Variants in SUCLG2 observed in about 807,000 individuals in gnomAD.
SUCLG2 encodes the protein succinate--CoA ligase [GDP-forming] subunit beta, mitochondrial.
A neutral mutation model predicts 47.9 loss-of-function variants in SUCLG2; 42 were observed. The ratio of observed to expected loss-of-function variants is 0.88; its 90% confidence interval spans 0.69 to 1.14. The LOEUF is 1.14. SUCLG2 is among the 50% of genes most tolerant of loss of function. The pLI is 0.00. For missense variants in SUCLG2, 571 were observed against 525.9 expected (o/e 1.09, Z -0.84); for synonymous variants, 195 against 197.3 (o/e 0.99, Z 0.10).
chr3:67,521,390 T>C (rs1231718894), intron 4 of SUCLG2, among the ~76,000 whole-genome samples: 3 of 152,086 alleles, frequency 2.0e-5, no homozygotes, highest in Admixed American at 2.0e-4. Flanking sequence ...GATGGAAGAA[T>C]GTCATTCAAT....
chr3:67,569,500 G>T (rs542020882), intron 2 of SUCLG2, among the ~76,000 whole-genome samples: 3 of 152,356 alleles, frequency 2.0e-5, no homozygotes, highest in African/African-American at 7.2e-5. Context: ...TTTGGCCTCA[G>T]TGGGCCCAGA....
At chr3:67,606,027 C>T (rs1241614695) in intron 2 of SUCLG2, among the ~76,000 whole-genome samples, 3 of 151,796 alleles carry the variant, frequency 2.0e-5, no homozygotes, top group Non-Finnish European at 4.4e-5. Flanking sequence ...AGAGAGACCC[C>T]ATCTCTACAA....
intron 1 of SUCLG2, among the ~76,000 whole-genome samples, chr3:67,615,850 A>T (rs1700618926): frequency 6.6e-6 from 1 of 152,114 alleles, no homozygotes; most frequent in South Asian, 2.1e-4. Flanking sequence ...AGATACATGC[A>T]AGGATCTTCT....
chr3:67,531,786 C>T (rs959791040), intron 2 of SUCLG2, among the ~76,000 whole-genome samples: 5 of 152,046 alleles, frequency 3.3e-5, no homozygotes, highest in Non-Finnish European at 5.9e-5. Flanking sequence ...TTGAGAAAAA[C>T]TCTCATGAAG....
intron 2 of SUCLG2, among the ~76,000 whole-genome samples, chr3:67,595,494 A>T (rs1708272562): frequency 6.6e-6 from 1 of 152,084 alleles, no homozygotes; most frequent in African/African-American, 2.4e-5. Context: ...TTTTGAATTG[A>T]CCTTTGGGAG....
chr3:67,475,731 T>C (rs1704733533), intron 9 of SUCLG2, among the ~76,000 whole-genome samples: 1 of 150,348 alleles, frequency 6.7e-6, no homozygotes. Flanking sequence ...TTTTTTTTTT[T>C]GAGAGCGAGA....
intron 10 of SUCLG2, among the ~76,000 whole-genome samples, chr3:67,389,125 A>C (rs987020467): frequency 3.9e-5 from 6 of 152,192 alleles, no homozygotes; most frequent in African/African-American, 1.2e-4. Context: ...CAGAACCAAA[A>C]ACCCAAGCAG....
At chr3:67,562,283 TG>T (rs921251611) in intron 2 of SUCLG2, among the ~76,000 whole-genome samples, 9 of 151,734 alleles carry the variant, frequency 5.9e-5, no homozygotes, top group Non-Finnish European at 1.0e-4. Flanking sequence ...TTTTTTTGTT[TG>T]TTTTTTTTTT....
chr3:67,382,285 C>A (rs143917980), intron 10 of SUCLG2, among the ~76,000 whole-genome samples: 421 of 152,262 alleles, frequency 2.8e-3, no homozygotes, highest in African/African-American at 9.5e-3. Context: ...TGGGAGGCTT[C>A]GGAACTGGCC....
chr3:67,397,414 T>A (rs1267527489), intron 10 of SUCLG2, among the ~76,000 whole-genome samples: 1 of 152,108 alleles, frequency 6.6e-6, no homozygotes, highest in Non-Finnish European at 1.5e-5. Flanking sequence ...GAACTCCCAT[T>A]CACAATTGCT....
intron 2 of SUCLG2, among the ~76,000 whole-genome samples, chr3:67,531,249 T>C (rs1487603513): frequency 6.6e-6 from 1 of 152,104 alleles, no homozygotes; most frequent in Non-Finnish European, 1.5e-5. Context: ...GTGGAAAAAA[T>C]ACTTTTTGCT....
intron 2 of SUCLG2, among the ~76,000 whole-genome samples, chr3:67,602,809 C>T (rs1430643643): frequency 3.9e-5 from 6 of 152,170 alleles, no homozygotes; most frequent in African/African-American, 1.4e-4. Context: ...ATGAGAAGCA[C>T]TCTATCTGCA....
intron 9 of SUCLG2, among the ~76,000 whole-genome samples, chr3:67,404,206 A>G (rs3923256): frequency 0.72 from 109,387 of 152,044 alleles, 39,726 homozygotes; most frequent in Admixed American, 0.81. Flanking sequence ...AGAACTGGGT[A>G]GACGCAAGTC....
In SUCLG2 at chr3:67,429,481, G is replaced by C. The variant is rs560573500; in HGVS notation, c.1063-28630C>G. 3.3e-5 allele frequency among the ~76,000 whole-genome samples: 5 copies of C among 152,260 alleles called. No individual in the cohort carries two copies. The South Asian group carries it at 1.0e-3, about 32-fold the overall frequency. On this transcript the variant is annotated intron_variant, in intron 9 of 10. Transcript: ENST00000307227. ...ACATGGAAAGGAATAACCGGTACCA[G>C]CCACTGCAAAAACGTGCCAAGTTGT...
intron 2 of SUCLG2, among the ~76,000 whole-genome samples, chr3:67,592,741 A>AAAC (rs1218576519): frequency 2.0e-4 from 9 of 45,760 alleles, no homozygotes; most frequent in African/African-American, 9.0e-4. Flanking sequence ...AAAAAACAAC[A>AAAC]AAAAAAAACT....
chr3:67,629,937 T>C (rs956892141), intron 1 of SUCLG2, among the ~76,000 whole-genome samples: 3 of 152,180 alleles, frequency 2.0e-5, no homozygotes, highest in South Asian at 2.1e-4. Flanking sequence ...CAGCTTTCAT[T>C]ACAGCATTCT....
At chr3:67,391,458 A>G (rs1454264134) in intron 10 of SUCLG2, among the ~76,000 whole-genome samples, 3 of 152,142 alleles carry the variant, frequency 2.0e-5, no homozygotes, top group African/African-American at 4.8e-5. Flanking sequence ...TTTGGGTATT[A>G]AAGAGTTTAG....
At chr3:67,376,262 G>T in intron 10 of SUCLG2, 1 of 985,402 alleles carries the variant, frequency 1.0e-6, no homozygotes, top group Non-Finnish European at 1.2e-6. Flanking sequence ...GCCCAGCTAT[G>T]TCCACAAATC....
rs1702037422 is a variant in SUCLG2, at chr3:67,376,470, A to AGAACT, written c.1184-616_1184-612dup. On this transcript the variant is annotated intron_variant, in intron 10 of 10. Coordinates refer to ENST00000307227, the MANE Select transcript of SUCLG2 (RefSeq NM_003848.4). ...GTGTGCTTGGGGACTATTTAACATG[A>AGAACT]GAACTGCTTTTCTGCCATTTTAGAG... 4 of 985,328 alleles carry AGAACT rather than the reference A, an allele frequency of 4.1e-6. No individual in the cohort carries two copies. The African/African-American group carries it at 5.2e-5, about 13-fold the overall frequency. The allele number at this position is 985,328 out of a possible 1,614,324, so 61.0% of individuals were successfully genotyped here.
Sources: gnomAD v4.1 joint callset for allele counts (sites outside exome capture counted in the v4.1 genomes callset) on GRCh38, gnomAD v4.1.1 for gene constraint, MANE v1.5 for transcripts, NCBI Gene and HGNC (gene_info 2026-07-23, HGNC 2026-07-21) for gene names.